ORC4: variants seen among roughly 807,000 people sequenced by gnomAD.
ORC4 encodes the protein origin recognition complex, subunit 4 homolog.
A neutral mutation model predicts 63.9 loss-of-function variants in ORC4; 55 were observed. The ratio of observed to expected loss-of-function variants is 0.86; its 90% CI spans 0.69 to 1.08. The LOEUF (loss-of-function observed/expected upper bound fraction) is 1.08. ORC4 is among the 50% of genes least tolerant of loss of function. ORC4 has a pLI of 0.00. For synonymous variants in ORC4, 150 were observed against 168.5 expected, an observed-to-expected ratio of 0.89 and a Z score of 0.85; for missense variants, 511 against 504.4, an observed-to-expected ratio of 1.01 and a Z score of -0.13.
chr2:147,953,122 G>C (rs1015509325), intron 7 of ORC4, among the ~76,000 whole-genome samples: 1 of 151,458 alleles, frequency 6.6e-6, no homozygotes, highest in Non-Finnish European at 1.5e-5. Flanking sequence ...CTAAGGTCAG[G>C]GGTTTGAGAC....
At chr2:147,979,188 A>G (rs1305905237) in intron 1 of ORC4, among the ~76,000 whole-genome samples, 2 of 152,218 alleles carry the variant, frequency 1.3e-5, no homozygotes, top group Non-Finnish European at 2.9e-5. Flanking sequence ...TTTGCAGATA[A>G]CATAATTTTA....
chr2:148,000,536 T>C (rs1573880666), intron 1 of ORC4, among the ~76,000 whole-genome samples: 1 of 152,162 alleles, frequency 6.6e-6, no homozygotes, highest in East Asian at 1.9e-4. Flanking sequence ...ACACTTGCCT[T>C]TCAGAAAGCT....
chr2:147,983,422 T>C (rs565290572), intron 1 of ORC4, among the ~76,000 whole-genome samples: 4 of 152,296 alleles, frequency 2.6e-5, no homozygotes, highest in African/African-American at 9.6e-5. Context: ...TCTTCTGATA[T>C]TGGACAATGC....
Position 147,939,162 on chromosome 2 carries a change from G to T in ORC4, c.936C>A (p.Asp312Glu). Residue 312 changes from aspartate to glutamate, a missense_variant, in exon 11 of 14, where the codon GAC (aspartate) becomes GAA (glutamate). Physicochemically the swap from Asp to Glu is conservative, Grantham distance 45. Transcript: ENST00000392857. ...LMEASQLCSMDSKANIVHGLS... is the reference protein window; with the variant it reads ...LMEASQLCSMESKANIVHGLS... The stretch of plus-strand genomic sequence containing the variant: ...CACCATGTACAATATTTGCTTTCGA[G>T]TCCATGCTACACAGTTGGCTTGCTT... 6.2e-7 allele frequency: 1 copy of T among 1,609,476 alleles called. No individual in the cohort carries two copies. The highest frequency in any genetic ancestry group is 8.5e-7 in the Non-Finnish European group (1 of 1,175,966).
intron 1 of ORC4, among the ~76,000 whole-genome samples, chr2:148,014,045 A>C (rs1445104664): frequency 6.6e-6 from 1 of 152,038 alleles, no homozygotes; most frequent in African/African-American, 2.4e-5. Flanking sequence ...GGTCTATGGT[A>C]AAAAAATCAA....
chr2:147,945,027 T>C (rs1688581116), intron 9 of ORC4, among the ~76,000 whole-genome samples: 1 of 152,082 alleles, frequency 6.6e-6, no homozygotes, highest in Admixed American at 6.6e-5. Flanking sequence ...AAAATTTGTT[T>C]AGCTTTTCCA....
intron 1 of ORC4, among the ~76,000 whole-genome samples, chr2:148,014,136 G>A (rs528331289): frequency 4.6e-5 from 7 of 152,190 alleles, no homozygotes; most frequent in African/African-American, 1.7e-4. Context: ...TTGAGCCCAG[G>A]AATTCAGGAT....
chr2:147,937,274 C>T (rs1688107957), intron 13 of ORC4, among the ~76,000 whole-genome samples: 1 of 152,118 alleles, frequency 6.6e-6, no homozygotes, highest in Admixed American at 6.6e-5. Flanking sequence ...TTAAAATCTT[C>T]AAGAGCTGCA....
chr2:148,017,985 A>G (rs974434104), intron 1 of ORC4, among the ~76,000 whole-genome samples: 5 of 152,212 alleles, frequency 3.3e-5, no homozygotes, highest in African/African-American at 1.2e-4. Context: ...TAAGACCTAC[A>G]TGAAGATAAA....
intron 4 of ORC4, among the ~76,000 whole-genome samples, chr2:147,961,871 A>G (rs1689613449): frequency 6.6e-6 from 1 of 152,194 alleles, no homozygotes; most frequent in South Asian, 2.1e-4. Context: ...GGTTTATGAA[A>G]AGGTGCTATA....
intron 2 of ORC4, among the ~76,000 whole-genome samples, chr2:147,974,807 T>TAAAAA (rs35378474): frequency 8.3e-6 from 1 of 119,908 alleles, no homozygotes; most frequent in Non-Finnish European, 1.7e-5. Flanking sequence ...ATCTTTTCCT[T>TAAAAA]AAAAAAAAAA....
intron 4 of ORC4, among the ~76,000 whole-genome samples, chr2:147,965,960 C>T (rs1352034060): frequency 1.3e-5 from 2 of 152,162 alleles, no homozygotes; most frequent in Non-Finnish European, 2.9e-5. Flanking sequence ...AACCCCAACA[C>T]TTTGAGACGC....
chr2:147,943,530 G>GAAA lies in ORC4; in HGVS notation c.763-11_763-9dup. ...TCTATCTTCTGAGAGATACTAAAAGGAAAAAAAAAAAAAAAGCCAAAATTG... is the reference window on the plus strand; with the variant it reads ...TCTATCTTCTGAGAGATACTAAAAGGAAAAAAAAAAAAAAAAAAGCCAAAATTG... On this transcript the variant is annotated splice_polypyrimidine_tract_variant and intron_variant, in intron 9 of 13. Coordinates refer to ENST00000392857, the MANE Select transcript of ORC4 (RefSeq NM_181741.4). The GAAA allele has an allele frequency of 4.3e-6, 5 of 1,168,442 alleles. No individual in the cohort carries two copies. The highest frequency in any genetic ancestry group is 1.3e-5 in the South Asian group (1 of 76,296). The allele number at this position is 1,168,442 out of a possible 1,614,324, so 72.4% of individuals were successfully genotyped here.
Position 147,959,925 on chromosome 2 carries a change from C to G in ORC4, c.226-1059G>C, listed in dbSNP as rs17219078. ...CTTCACCTCTGGATCAGGTCAGACA[C>G]TATAATAAGAGTACATCCCTAGATG... On this transcript the variant is annotated intron_variant, in intron 4 of 13. Transcript: ENST00000392857. 2.7e-3 allele frequency among the ~76,000 whole-genome samples: 411 copies of G among 152,268 alleles called. 2 individuals are homozygous for G. Among genetic ancestry groups the G allele is most frequent in the African/African-American group, 9.4e-3 (390 of 41,554 alleles).
chr2:148,015,507 G>C (rs1019204096), intron 1 of ORC4, among the ~76,000 whole-genome samples: 91 of 151,550 alleles, frequency 6.0e-4, no homozygotes, highest in Non-Finnish European at 8.8e-5. Context: ...GTAGAGACAG[G>C]GTCTCACCAT....
chr2:147,968,867 T>A (rs933494581), intron 4 of ORC4, among the ~76,000 whole-genome samples: 8 of 151,986 alleles, frequency 5.3e-5, no homozygotes, highest in African/African-American at 1.4e-4. Flanking sequence ...ATAGCCATGA[T>A]ATGGATCAAC....
intron 1 of ORC4, among the ~76,000 whole-genome samples, chr2:147,995,999 CA>C (rs1258215563): frequency 1.5e-3 from 183 of 120,944 alleles, no homozygotes; most frequent in African/African-American, 2.6e-3. Context: ...GACTCCATCT[CA>C]AAAAAAAAAA....
intron 13 of ORC4, among the ~76,000 whole-genome samples, chr2:147,937,326 AT>A (rs903443304): frequency 2.8e-4 from 43 of 151,682 alleles, no homozygotes; most frequent in African/African-American, 9.2e-4. Flanking sequence ...GTGTGACTCA[AT>A]TTTTTTTTAA....
chr2:147,944,308 G>A (rs1688535911), intron 9 of ORC4, among the ~76,000 whole-genome samples: 1 of 152,016 alleles, frequency 6.6e-6, no homozygotes, highest in Non-Finnish European at 1.5e-5. Context: ...TATTTAAGTA[G>A]TAGGTGGGAA....
Sources: allele counts gnomAD v4.1 joint callset (sites outside exome capture counted in the v4.1 genomes callset), GRCh38; gene constraint gnomAD v4.1.1; transcripts MANE v1.5; gene names NCBI Gene and HGNC (gene_info 2026-07-23, HGNC 2026-07-21).